The following HTR4 variants were observed in gnomAD, a reference collection of about 807,000 sequenced individuals.
HTR4 encodes 5-hydroxytryptamine receptor 4.
A neutral mutation model predicts 36.8 loss-of-function variants in HTR4; 16 were observed. That is an observed-to-expected ratio of 0.43 (90% CI 0.29 to 0.66). HTR4 has a LOEUF of 0.66. HTR4 is among the 30% of genes least tolerant of loss of function. The probability of loss-of-function intolerance (pLI) is 0.13; values close to 1 mark genes in which losing one functional copy is unlikely to be tolerated. For missense variants in HTR4, 438 were observed against 490.9 expected (o/e 0.89, Z 1.02); for synonymous variants, 189 against 185.1 (o/e 1.02, Z -0.17).
chr5:148,487,144 G>C lies in HTR4; in HGVS notation c.1077-3851C>G, dbSNP rs527401812. ...TCTTCAATGCAAATCTGTAAGGCAA[G>C]AAGGTACAGAGTCTTGTTTCCATGT... On this transcript the variant is annotated intron_variant, in intron 6 of 6. Coordinates refer to ENST00000377888, the MANE Select transcript of HTR4 (RefSeq NM_000870.7). Among the ~76,000 whole-genome samples the C allele has an allele frequency of 6.0e-4, 92 of 152,258 alleles. 2 individuals carry two copies. The South Asian group carries it at 0.012, about 20-fold the overall frequency.
At chr5:148,652,556 C>A (rs574218285) in intron 1 of HTR4, among the ~76,000 whole-genome samples, 2 of 152,190 alleles carry the variant, frequency 1.3e-5, no homozygotes, top group African/African-American at 4.8e-5. Flanking sequence ...GCTTTTGCCC[C>A]TACAGGGAAC....
At chr5:148,526,926 A>G (rs1407903391) in intron 4 of HTR4, among the ~76,000 whole-genome samples, 3 of 152,182 alleles carry the variant, frequency 2.0e-5, no homozygotes, top group African/African-American at 7.2e-5. Context: ...ATACAAAAAT[A>G]CAATTAGATA....
At chr5:148,455,657 A>G (rs2113686125) in intron 5 of HTR4, among the ~76,000 whole-genome samples, 1 of 152,282 alleles carries the variant, frequency 6.6e-6, no homozygotes, top group Middle Eastern at 3.4e-3. Flanking sequence ...TGTAGGAGTT[A>G]GGGTTGCTGA....
intron 4 of HTR4, among the ~76,000 whole-genome samples, chr5:148,547,380 C>T (rs1759428926): frequency 1.3e-5 from 2 of 151,774 alleles, no homozygotes; most frequent in South Asian, 4.2e-4. Context: ...TTAGCTGGGC[C>T]TGGTGGCGGG....
downstream of HTR4, among the ~76,000 whole-genome samples, chr5:148,481,021 G>A (rs1247536180): frequency 6.6e-6 from 1 of 152,174 alleles, no homozygotes; most frequent in East Asian, 1.9e-4. Context: ...TGCTTAATAA[G>A]TCAGCAATGG....
intron 2 of HTR4, among the ~76,000 whole-genome samples, chr5:148,634,417 A>G (rs999983717): frequency 6.6e-6 from 1 of 152,234 alleles, no homozygotes; most frequent in Admixed American, 6.5e-5. Context: ...AAGGCAATGC[A>G]GTTTTATGAC....
chr5:148,632,393 C>T (rs6865654), intron 2 of HTR4, among the ~76,000 whole-genome samples: 63,737 of 151,806 alleles, frequency 0.42, 13,937 homozygotes, highest in East Asian at 0.66. Flanking sequence ...ACAGTCATTT[C>T]GTGGAGAAGA....
intron 2 of HTR4, among the ~76,000 whole-genome samples, chr5:148,618,069 A>G (rs998828612): frequency 2.6e-5 from 4 of 152,290 alleles, no homozygotes; most frequent in South Asian, 4.1e-4. Context: ...CTAGGCTTCT[A>G]TGTTCTCAAG....
intron 2 of HTR4, among the ~76,000 whole-genome samples, chr5:148,621,021 G>C (rs1264566324): frequency 6.6e-6 from 1 of 152,196 alleles, no homozygotes; most frequent in African/African-American, 2.4e-5. Flanking sequence ...AAGCATATTT[G>C]TATGTGTCAG....
rs181703978 is a variant in HTR4 at position 148,570,623 on chromosome 5, G to T, written c.27-20361C>A. On this transcript the variant is annotated intron_variant, in intron 2 of 6. Transcript: ENST00000377888. ...AAGATCACTGGAGTGCAGAGAATGA[G>T]GGGATGCCTCATGTCAGATGCGGCC... is the stretch of plus-strand genomic sequence containing the variant. Among the ~76,000 whole-genome samples, 62 of 152,190 alleles carry T rather than the reference G, an allele frequency of 4.1e-4. 1 individual carries two copies. Among genetic ancestry groups the T allele is most frequent in the Admixed American group, 1.5e-3 (23 of 15,268 alleles).
Position 148,542,638 on chromosome 5 carries a change from C to CT in HTR4, c.353+6029dup, listed in dbSNP as rs200117617. Among the ~76,000 whole-genome samples, 850 of 151,494 alleles carry CT rather than the reference C, an allele frequency of 5.6e-3. 3 individuals are homozygous for CT. The highest frequency in any genetic ancestry group is 0.024 in the Middle Eastern group (7 of 290). On this transcript the variant is annotated intron_variant, in intron 4 of 6. Transcript: ENST00000377888. ...ACTATCTTCAAGGAAGTGAAATTGA[C>CT]TTTTTTTTTAAAAAGGGAATTACAT...
chr5:148,540,337 T>C (rs961277714), intron 4 of HTR4, among the ~76,000 whole-genome samples: 5 of 146,340 alleles, frequency 3.4e-5, no homozygotes, highest in Non-Finnish European at 7.5e-5. Flanking sequence ...TTCAACTATA[T>C]AACAAATCTT....
intron 6 of HTR4, among the ~76,000 whole-genome samples, chr5:148,501,121 A>C (rs561618621): frequency 9.8e-5 from 15 of 152,342 alleles, no homozygotes; most frequent in African/African-American, 3.6e-4. Flanking sequence ...GCAAATAATT[A>C]AATAAATTTT....
chr5:148,474,797 G>A (rs1165491010), downstream of HTR4, among the ~76,000 whole-genome samples: 1 of 152,122 alleles, frequency 6.6e-6, no homozygotes, highest in African/African-American at 2.4e-5. Flanking sequence ...ATGACCTTCG[G>A]TTAGAAACGT....
At chr5:148,619,948 G>T (rs1752852753) in intron 2 of HTR4, among the ~76,000 whole-genome samples, 1 of 152,154 alleles carries the variant, frequency 6.6e-6, no homozygotes, top group Non-Finnish European at 1.5e-5. Flanking sequence ...AAGCTCTGAG[G>T]TATTTTATGC....
intron 2 of HTR4, among the ~76,000 whole-genome samples, chr5:148,592,177 AATG>A (rs1315490636): frequency 1.3e-5 from 2 of 152,178 alleles, no homozygotes; most frequent in African/African-American, 4.8e-5. Flanking sequence ...GTGGGAGCTA[AATG>A]ATAACTACTT....
chr5:148,558,173 C>T (rs1205002978), intron 2 of HTR4, among the ~76,000 whole-genome samples: 2 of 151,714 alleles, frequency 1.3e-5, no homozygotes, highest in African/African-American at 4.8e-5. Flanking sequence ...CATTTTCTTA[C>T]CAATCAACAG....
At chr5:148,588,991 T>C (rs901832415) in intron 2 of HTR4, among the ~76,000 whole-genome samples, 1 of 152,222 alleles carries the variant, frequency 6.6e-6, no homozygotes, top group Non-Finnish European at 1.5e-5. Context: ...GCTGCTTTTT[T>C]ATTCAATGCC....
At chr5:148,618,927 C>A (rs574286363) in intron 2 of HTR4, among the ~76,000 whole-genome samples, 50 of 152,244 alleles carry the variant, frequency 3.3e-4, no homozygotes, top group African/African-American at 1.2e-3. Context: ...CGATTCCAAT[C>A]ACTTTCATTT....
Sources: allele counts gnomAD v4.1 joint callset (sites outside exome capture counted in the v4.1 genomes callset), GRCh38; gene constraint gnomAD v4.1.1; transcripts MANE v1.5; gene names NCBI Gene and HGNC (gene_info 2026-07-23, HGNC 2026-07-21).